The following MARCHF1 variants were observed in gnomAD, a reference collection of about 807,000 sequenced individuals.
The protein encoded by MARCHF1 is membrane associated ring-CH-type finger 1.
In MARCHF1, 40 loss-of-function variants were observed where a neutral mutation model predicts 54.2. The ratio of observed to expected loss-of-function variants is 0.74; its 90% CI spans 0.57 to 0.96. The LOEUF (loss-of-function observed/expected upper bound fraction) is 0.96, where lower values mean the gene tolerates loss of function less well. MARCHF1 is among the 40% of genes least tolerant of loss of function. The pLI, the probability that MARCHF1 is intolerant of heterozygous loss-of-function variation, is 0.00. For missense variants in MARCHF1, 586 were observed against 656.5 expected, an observed-to-expected ratio of 0.89 and a Z score of 1.17; for synonymous variants, 236 against 236.3, an observed-to-expected ratio of 1.00 and a Z score of 0.01.
chr4:163,971,622 G>C lies in MARCHF1; in HGVS notation c.-39+16879C>G, dbSNP rs115207783. Among the ~76,000 whole-genome samples, 905 of 152,322 alleles carry C rather than the reference G, an allele frequency of 5.9e-3. 3 individuals are homozygous for C. Among genetic ancestry groups the C allele is most frequent in the Non-Finnish European group, 8.6e-3 (583 of 68,032 alleles). ...GCCAAATGGCTTGTCAAACATGGAG[G>C]CTGGACCAGGGTGGAGTTACAGAAA... is the stretch of plus-strand genomic sequence containing the variant. On this transcript the variant is annotated intron_variant, in intron 3 of 9. Transcript: ENST00000514618.
chr4:164,377,866 T>C (rs1160233567), intron 1 of MARCHF1, among the ~76,000 whole-genome samples: 2 of 152,188 alleles, frequency 1.3e-5, no homozygotes, highest in Non-Finnish European at 1.5e-5. Context: ...CTTCTAAAAA[T>C]ACGTTTGGAG....
At chr4:163,611,295 T>C (rs1301365267) in intron 7 of MARCHF1, among the ~76,000 whole-genome samples, 1 of 152,120 alleles carries the variant, frequency 6.6e-6, no homozygotes, top group East Asian at 1.9e-4. Context: ...CAAACCATTC[T>C]TATATTATTC....
intron 7 of MARCHF1, among the ~76,000 whole-genome samples, chr4:163,594,923 A>G (rs1277819325): frequency 6.6e-6 from 1 of 152,194 alleles, no homozygotes; most frequent in African/African-American, 2.4e-5. Flanking sequence ...TAGAAATACC[A>G]TATGAGCGAG....
chr4:163,978,549 G>A (rs1752694194), intron 3 of MARCHF1, among the ~76,000 whole-genome samples: 1 of 152,084 alleles, frequency 6.6e-6, no homozygotes, highest in African/African-American at 2.4e-5. Flanking sequence ...GCACAGAGAT[G>A]GAAAGTAACC....
intron 1 of MARCHF1, among the ~76,000 whole-genome samples, chr4:164,313,931 C>G (rs989455279): frequency 6.6e-6 from 1 of 152,150 alleles, no homozygotes; most frequent in African/African-American, 2.4e-5. Flanking sequence ...TCATTATCTG[C>G]CTAAAAGAAA....
chr4:164,281,793 T>G (rs1269285473), intron 1 of MARCHF1, among the ~76,000 whole-genome samples: 1 of 152,204 alleles, frequency 6.6e-6, no homozygotes. Context: ...AGCACCAGTG[T>G]CTACCATTCA....
chr4:163,929,992 AAT>A lies in MARCHF1; in HGVS notation c.-39+58507_-39+58508del, dbSNP rs1359127024. On this transcript the variant is annotated intron_variant, in intron 3 of 9. Coordinates refer to ENST00000514618, the MANE Select transcript of MARCHF1 (RefSeq NM_001394959.1). ...TATATAATATATATAATATATATAT[AAT>A]ATATTATATATAAATATATTATATA... Among the ~76,000 whole-genome samples the A allele has an allele frequency of 7.2e-3, 942 of 131,724 alleles. 10 individuals carry two copies. The highest frequency in any genetic ancestry group is 0.04 in the East Asian group (192 of 4,778). The allele number at this position is 131,724 out of a possible 152,430, so 86.4% of individuals were successfully genotyped here. A position where few individuals can be genotyped will look rare whatever the true frequency, so the allele number is the denominator to read the frequency against.
chr4:163,857,217 G>A (rs1749793531), intron 3 of MARCHF1, among the ~76,000 whole-genome samples: 1 of 151,178 alleles, frequency 6.6e-6, no homozygotes, highest in Non-Finnish European at 1.5e-5. Flanking sequence ...AACACTTAAA[G>A]TTTGGATCAC....
chr4:163,966,941 A>G (rs1012811050), intron 3 of MARCHF1, among the ~76,000 whole-genome samples: 1 of 152,136 alleles, frequency 6.6e-6, no homozygotes, highest in African/African-American at 2.4e-5. Flanking sequence ...GATGAAAAAT[A>G]TTTTACAGCT....
At chr4:163,931,809 T>C (rs1447257367) in intron 3 of MARCHF1, among the ~76,000 whole-genome samples, 2 of 152,254 alleles carry the variant, frequency 1.3e-5, no homozygotes, top group African/African-American at 2.4e-5. Context: ...AACTAAAACC[T>C]CTCCCTCAGT....
rs1473653312 is a variant in MARCHF1, at chr4:164,142,426, G to C, written c.-322-30764C>G. On this transcript the variant is annotated intron_variant, in intron 1 of 9. Coordinates refer to ENST00000514618, the MANE Select transcript of MARCHF1 (RefSeq NM_001394959.1). ...TCTGCAGACTTAAATGTCCCTGTCT[G>C]ACAGCTTTGAAGAGAGCAGTGGTTC... 5.3e-5 allele frequency among the ~76,000 whole-genome samples: 8 copies of C among 152,174 alleles called. No individual in the cohort carries two copies. The East Asian group carries it at 1.5e-3, about 29-fold the overall frequency.
intron 3 of MARCHF1, among the ~76,000 whole-genome samples, chr4:163,939,445 G>A (rs1751865615): frequency 6.6e-6 from 1 of 152,132 alleles, no homozygotes; most frequent in African/African-American, 2.4e-5. Context: ...TCCACAGAAC[G>A]TATTTTCTTG....
chr4:163,890,237 T>G (rs1465588890), intron 3 of MARCHF1, among the ~76,000 whole-genome samples: 2 of 152,094 alleles, frequency 1.3e-5, no homozygotes, highest in Non-Finnish European at 2.9e-5. Flanking sequence ...CCCAGCCTCT[T>G]TATGTTAAAC....
At chr4:164,106,588 G>A (rs1427842891) in intron 2 of MARCHF1, among the ~76,000 whole-genome samples, 2 of 146,262 alleles carry the variant, frequency 1.4e-5, no homozygotes, top group Admixed American at 6.8e-5. Flanking sequence ...GACACAGGAA[G>A]GGGAATATCA....
intron 1 of MARCHF1, among the ~76,000 whole-genome samples, chr4:164,357,895 T>C (rs1472735147): frequency 1.3e-5 from 2 of 152,090 alleles, no homozygotes; most frequent in Admixed American, 6.5e-5. Flanking sequence ...AGGAAAACAA[T>C]CATTTTCTAG....
intron 1 of MARCHF1, among the ~76,000 whole-genome samples, chr4:164,264,838 T>G (rs1733564698): frequency 1.3e-5 from 2 of 151,374 alleles, no homozygotes; most frequent in Admixed American, 1.3e-4. Flanking sequence ...GAGAATCCCT[T>G]GAACCCAGGA....
chr4:163,881,387 C>T (rs1372775428), intron 3 of MARCHF1, among the ~76,000 whole-genome samples: 1 of 152,130 alleles, frequency 6.6e-6, no homozygotes, highest in East Asian at 1.9e-4. Context: ...AGGAGAATCG[C>T]TTGAACCTGG....
intron 1 of MARCHF1, among the ~76,000 whole-genome samples, chr4:164,268,997 AT>A (rs1733678280): frequency 6.6e-6 from 1 of 152,124 alleles, no homozygotes; most frequent in Non-Finnish European, 1.5e-5. Context: ...ACTCACTACA[AT>A]TTCCTAACAA....
intron 2 of MARCHF1, among the ~76,000 whole-genome samples, chr4:164,041,140 A>G (rs1005319175): frequency 9.2e-5 from 14 of 152,110 alleles, no homozygotes; most frequent in Admixed American, 5.9e-4. Context: ...CCACCTCTCA[A>G]TATATGGCAA....
Sources: allele counts gnomAD v4.1 joint callset (sites outside exome capture counted in the v4.1 genomes callset), GRCh38; gene constraint gnomAD v4.1.1; transcripts MANE v1.5; gene names NCBI Gene and HGNC (gene_info 2026-07-23, HGNC 2026-07-21).